ACKR3: variants seen among roughly 807,000 people sequenced by gnomAD.
ACKR3 encodes the protein C-X-C chemokine receptor type 7.
ACKR3 carries 6 observed loss-of-function variants against 22.4 expected under a neutral mutation model. That is an observed-to-expected ratio of 0.27 (90% CI 0.15 to 0.53). The LOEUF (loss-of-function observed/expected upper bound fraction) is 0.53, where lower values mean the gene tolerates loss of function less well. ACKR3 is among the 20% of genes least tolerant of loss of function. ACKR3 has a pLI of 0.96. For synonymous variants in ACKR3, 209 were observed against 205.2 expected (o/e 1.02, Z -0.16); for missense variants, 396 against 475.2 (o/e 0.83, Z 1.55).
In ACKR3 at chr2:236,581,677, A is replaced by T; in HGVS notation, c.*123A>T. ...GATGCTTGAGTAGAGTGAAGAGGGG[A>T]GCACGTGCCCCCTGCATCCATTCTC... On this transcript the variant is annotated 3_prime_UTR_variant, in exon 2 of 2. Transcript: ENST00000272928. The surrounding 1 kb of genome is among the most constrained non-coding windows in gnomAD (Gnocchi z 4.4). The T allele has an allele frequency of 1.7e-6, 2 of 1,211,914 alleles. No individual in the cohort carries two copies. Among genetic ancestry groups the T allele is most frequent in the African/African-American group, 3.1e-5 (2 of 65,360 alleles). 75.1% of individuals were successfully genotyped at this position (1,211,914 alleles called of 1,614,324 possible). A position where few individuals can be genotyped will look rare whatever the true frequency, so the allele number is the denominator to read the frequency against.
At chr2:236,545,286 G>A in the ACKR3 span, among the ~76,000 whole-genome samples, 2 of 152,176 alleles carry the variant, frequency 1.3e-5, no homozygotes, top group Non-Finnish European at 2.9e-5. This position sits in a 1 kb window ranked among gnomAD's most constrained non-coding sequence, Gnocchi z 5.3. Context: ...TTCGTGCCTG[G>A]TGGGCTCACT....
At chr2:236,541,836 C>T in the ACKR3 span, among the ~76,000 whole-genome samples, 3 of 152,126 alleles carry the variant, frequency 2.0e-5, no homozygotes, top group African/African-American at 7.2e-5. Context: ...ATGGGAGTTC[C>T]CCTGCACATG....
rs529867294 is a variant in ACKR3, at chr2:236,582,172, T to C, written c.*618T>C. ...TGGTGTTTTGTACCGGCACGGGATA[T>C]GGAACGAAAACTGCTTTGTAATGCA... On this transcript the variant is annotated 3_prime_UTR_variant, in exon 2 of 2. Coordinates refer to ENST00000272928, the MANE Select transcript of ACKR3 (RefSeq NM_020311.3). 25 of 166,992 alleles carry C rather than the reference T, an allele frequency of 1.5e-4. 1 individual carries two copies. In the South Asian group the frequency reaches 5.2e-3, roughly 35 times the overall value. 10.3% of individuals were successfully genotyped at this position (166,992 alleles called of 1,614,324 possible). A position where few individuals can be genotyped will look rare whatever the true frequency, so the allele number is the denominator to read the frequency against.
At chr2:236,570,619 G>A (rs1462791925) in intron 1 of ACKR3, among the ~76,000 whole-genome samples, 1 of 152,180 alleles carries the variant, frequency 6.6e-6, no homozygotes, top group Non-Finnish European at 1.5e-5. Flanking sequence ...AACTTCAATT[G>A]GGGTTGGGGG....
At chr2:236,569,517 AT>A (rs1335001697), upstream of ACKR3, 14 of 152,204 alleles carry the variant, frequency 9.2e-5, no homozygotes, top group Non-Finnish European at 1.8e-4. Context: ...ATATTTGATG[AT>A]TTTGCCAAGC....
the ACKR3 span, among the ~76,000 whole-genome samples, chr2:236,550,791 G>A: frequency 1.3e-5 from 2 of 152,166 alleles, no homozygotes; most frequent in African/African-American, 4.8e-5. The surrounding 1 kb of genome is among the most constrained non-coding windows in gnomAD (Gnocchi z 4.6). Context: ...CTCCATTAAC[G>A]AGCGGCTACT....
At chr2:236,540,246 G>C in the ACKR3 span, among the ~76,000 whole-genome samples, 2 of 152,258 alleles carry the variant, frequency 1.3e-5, no homozygotes, top group East Asian at 3.9e-4. Flanking sequence ...TAGTGTCTAA[G>C]AATTGTGGTT....
upstream of ACKR3, among the ~76,000 whole-genome samples, chr2:236,563,172 T>G (rs978732277): frequency 2.0e-5 from 3 of 152,242 alleles, no homozygotes; most frequent in African/African-American, 7.2e-5. Flanking sequence ...CCCTGGATAC[T>G]GTCCCCCTGC....
chr2:236,543,847 A>G, the ACKR3 span, among the ~76,000 whole-genome samples: 1 of 151,308 alleles, frequency 6.6e-6, no homozygotes, highest in East Asian at 1.9e-4. Context: ...GATTCAAAAT[A>G]AAATTACTAT....
chr2:236,556,758 C>G, the ACKR3 span, among the ~76,000 whole-genome samples: 2 of 152,158 alleles, frequency 1.3e-5, no homozygotes, highest in South Asian at 2.1e-4. Flanking sequence ...TTGTGATCTC[C>G]GCTCACTGCA....
At chr2:236,548,084 T>G in the ACKR3 span, among the ~76,000 whole-genome samples, 3 of 152,224 alleles carry the variant, frequency 2.0e-5, no homozygotes, top group Admixed American at 2.0e-4. This position sits in a 1 kb window ranked among gnomAD's most constrained non-coding sequence, Gnocchi z 4.3. Context: ...CCATTTCCCA[T>G]GTCTATGTTT....
chr2:236,579,394 T>C (rs1022752901), intron 1 of ACKR3, among the ~76,000 whole-genome samples: 3 of 152,310 alleles, frequency 2.0e-5, no homozygotes, highest in Middle Eastern at 3.4e-3. Context: ...GCAGGGCTAA[T>C]TGCTGACCCA....
In ACKR3 at chr2:236,573,824, C is replaced by T. The variant is rs548984529; in HGVS notation, c.-27+3900C>T. On this transcript the variant is annotated intron_variant, in intron 1 of 1. Coordinates refer to ENST00000272928, the MANE Select transcript of ACKR3 (RefSeq NM_020311.3). ...ATGGCCTTGCTCTAGACTGTCCTGG[C>T]TCCTGCATGGACAAGCCCTGGTCAT... 3.3e-5 allele frequency among the ~76,000 whole-genome samples: 5 copies of T among 152,346 alleles called. No homozygotes were observed. The South Asian group carries it at 1.0e-3, about 32-fold the overall frequency.
the ACKR3 span, among the ~76,000 whole-genome samples, chr2:236,556,438 T>TGGA: frequency 6.6e-6 from 1 of 152,004 alleles, no homozygotes; most frequent in African/African-American, 2.4e-5. Context: ...ATTATCTAGG[T>TGGA]GGAGCCACTG....
At chr2:236,537,941 T>A in the ACKR3 span, among the ~76,000 whole-genome samples, 1 of 152,248 alleles carries the variant, frequency 6.6e-6, no homozygotes, top group African/African-American at 2.4e-5. Context: ...CAGATTACAT[T>A]TTTTTAGTTG....
Position 236,580,679 on chromosome 2 carries a change from G to T in ACKR3, c.214G>T (p.Ala72Ser). Residue 72 changes from alanine (A) to serine (S), a missense_variant, in exon 2 of 2, where the codon GCC becomes TCC. Physicochemically the swap from Ala to Ser is moderately conservative, Grantham distance 99. Transcript: ENST00000272928. Reference protein sequence around the residue: ...NSVVVWVNIQAKTTGYDTHCY... With the variant: ...NSVVVWVNIQSKTTGYDTHCY... ...CGTGGTGGTCTGGGTGAATATCCAGGCCAAGACCACAGGCTATGACACGCA... is the reference window on the plus strand; with the variant it reads ...CGTGGTGGTCTGGGTGAATATCCAGTCCAAGACCACAGGCTATGACACGCA... The T allele has an allele frequency of 1.2e-6, 2 of 1,614,122 alleles. No individual in the cohort carries two copies. The highest frequency in any genetic ancestry group is 2.2e-5 in the South Asian group (2 of 91,078).
the ACKR3 span, among the ~76,000 whole-genome samples, chr2:236,550,295 C>T: frequency 0.058 from 8,818 of 152,296 alleles, 353 homozygotes; most frequent in African/African-American, 0.1. This position sits in a 1 kb window ranked among gnomAD's most constrained non-coding sequence, Gnocchi z 4.6. Flanking sequence ...AAGACGAGGT[C>T]CGCATGGGAG....
chr2:236,578,545 A>C (rs1691459839), intron 1 of ACKR3, among the ~76,000 whole-genome samples: 1 of 152,220 alleles, frequency 6.6e-6, no homozygotes, highest in Non-Finnish European at 1.5e-5. Context: ...CCTTTCTGTC[A>C]GCCGTGGAGG....
chr2:236,550,660 C>T, the ACKR3 span, among the ~76,000 whole-genome samples: 5 of 152,124 alleles, frequency 3.3e-5, no homozygotes, highest in African/African-American at 1.2e-4. The surrounding 1 kb of genome is among the most constrained non-coding windows in gnomAD (Gnocchi z 4.6). Context: ...TGTCGCTGAG[C>T]AAGGCTTTGG....
Sources: gnomAD v4.1 joint callset for allele counts (sites outside exome capture counted in the v4.1 genomes callset) on GRCh38, gnomAD v4.1.1 for gene constraint, Gnocchi (gnomAD v3.1) non-coding constraint, MANE v1.5 for transcripts, NCBI Gene and HGNC (gene_info 2026-07-23, HGNC 2026-07-21) for gene names.